The following PCDHA10 variants were observed in gnomAD, a reference collection of about 807,000 sequenced individuals.
The protein encoded by PCDHA10 is protocadherin alpha-10.
A neutral mutation model predicts 61.2 loss-of-function variants in PCDHA10; 45 were observed. The observed-to-expected ratio is 0.74, with a 90% confidence interval of 0.58 to 0.94. The LOEUF (loss-of-function observed/expected upper bound fraction) is 0.94, where lower values mean the gene tolerates loss of function less well. Among genes scored for constraint, PCDHA10 ranks in the 40% least tolerant of loss-of-function variants. The pLI, the probability that PCDHA10 is intolerant of heterozygous loss-of-function variation, is 0.00. For missense variants in PCDHA10, 1,278 were observed against 1,236.2 expected (o/e 1.03, Z -0.51); for synonymous variants, 602 against 548.8 (o/e 1.10, Z -1.35).
chr5:140,867,997 T>C (rs2050231431), intron 1 of PCDHA10: 1 of 152,144 alleles, frequency 6.6e-6, no homozygotes. Flanking sequence ...TTCATGAATA[T>C]AACTGAATTA....
At chr5:140,880,630 C>T (rs2058401400) in intron 1 of PCDHA10, among the ~76,000 whole-genome samples, 2 of 152,122 alleles carry the variant, frequency 1.3e-5, no homozygotes, top group Admixed American at 1.3e-4. Context: ...AGTTAATTAT[C>T]AATTCACTTG....
At chr5:140,897,648 T>C (rs556362001) in intron 1 of PCDHA10, among the ~76,000 whole-genome samples, 1 of 152,302 alleles carries the variant, frequency 6.6e-6, no homozygotes, top group African/African-American at 2.4e-5. Flanking sequence ...ACAATAAACA[T>C]ACGTGTGCAT....
intron 1 of PCDHA10, among the ~76,000 whole-genome samples, chr5:140,961,708 A>C (rs2095630610): frequency 6.6e-6 from 1 of 152,204 alleles, no homozygotes; most frequent in Non-Finnish European, 1.5e-5. Flanking sequence ...GAATGCCTTC[A>C]TTTCTAAGTG....
chr5:140,880,891 C>T (rs1475261918), intron 1 of PCDHA10, among the ~76,000 whole-genome samples: 2 of 151,984 alleles, frequency 1.3e-5, no homozygotes, highest in Non-Finnish European at 2.9e-5. Flanking sequence ...AATGTAGGGC[C>T]AGATAGAAAG....
intron 1 of PCDHA10, among the ~76,000 whole-genome samples, chr5:140,970,418 G>A (rs1377182658): frequency 6.6e-6 from 1 of 152,220 alleles, no homozygotes; most frequent in East Asian, 1.9e-4. Flanking sequence ...ACAGTAAGGT[G>A]TAGAGGCAGG....
At chr5:140,945,424 A>T (rs1227744054) in intron 1 of PCDHA10, among the ~76,000 whole-genome samples, 1 of 152,116 alleles carries the variant, frequency 6.6e-6, no homozygotes, top group Non-Finnish European at 1.5e-5. Context: ...ATTTCAATGA[A>T]GTTTTTACAG....
At chr5:140,967,060 G>T in intron 1 of PCDHA10, 1 of 1,612,802 alleles carries the variant, frequency 6.2e-7, no homozygotes, top group Non-Finnish European at 8.5e-7. Flanking sequence ...CGAGTGGAGC[G>T]CTCTTCGTCA....
intron 1 of PCDHA10, chr5:140,870,927 T>C (rs782446287): frequency 1.9e-6 from 3 of 1,613,880 alleles, no homozygotes; most frequent in Non-Finnish European, 2.5e-6. Context: ...GGCTTTCATA[T>C]GAATTGCAGC....
intron 1 of PCDHA10, among the ~76,000 whole-genome samples, chr5:140,915,919 AC>A (rs1449299766): frequency 6.6e-6 from 1 of 152,102 alleles, no homozygotes; most frequent in Non-Finnish European, 1.5e-5. Flanking sequence ...CAGAGATGCT[AC>A]TTGGGAGTCA....
At chr5:140,859,044 G>A (rs1228604447) in intron 1 of PCDHA10, 2 of 150,376 alleles carry the variant, frequency 1.3e-5, no homozygotes, top group Non-Finnish European at 3.0e-5. Flanking sequence ...CTTTAAAAAC[G>A]TTTTCCATTT....
chr5:140,862,161 C>G (rs1463036699), intron 1 of PCDHA10: 1 of 163,458 alleles, frequency 6.1e-6, no homozygotes, highest in African/African-American at 2.4e-5. Context: ...ATGAAAGATT[C>G]AAATACAGGC....
intron 1 of PCDHA10, among the ~76,000 whole-genome samples, chr5:140,947,404 T>G (rs1305199507): frequency 6.6e-6 from 1 of 151,736 alleles, no homozygotes; most frequent in Non-Finnish European, 1.5e-5. Flanking sequence ...GTAGACTGTC[T>G]TGATATTGTA....
chr5:140,857,812 C>T lies in PCDHA10; in HGVS notation c.1764C>T (p.His588=). The part of the protein sequence containing the change: ...ELVLRSVVAG[H]VVAKVRAVDA... ...TGCTGCGGTCGGTGGTTGCGGGTCACGTGGTGGCTAAGGTGCGCGCAGTGG... is the reference window on the plus strand; with the variant it reads ...TGCTGCGGTCGGTGGTTGCGGGTCATGTGGTGGCTAAGGTGCGCGCAGTGG... The change falls in exon 1 of 4, where the codon CAC becomes CAT. Residue 588 remains histidine, a synonymous_variant. Transcript: ENST00000307360. 3.1e-6 allele frequency: 5 copies of T among 1,597,698 alleles called. 1 individual carries two copies. The highest frequency in any genetic ancestry group is 2.2e-5 in the East Asian group (1 of 44,814).
chr5:140,958,265 C>A (rs1010851166), intron 1 of PCDHA10, among the ~76,000 whole-genome samples: 1 of 151,680 alleles, frequency 6.6e-6, no homozygotes, highest in Admixed American at 6.6e-5. Flanking sequence ...TAATTTGGTA[C>A]AAGAAGTATA....
chr5:140,937,595 C>A (rs940943581), intron 1 of PCDHA10, among the ~76,000 whole-genome samples: 1 of 150,652 alleles, frequency 6.6e-6, no homozygotes, highest in South Asian at 2.1e-4. Flanking sequence ...CTAGCCTGGG[C>A]AACAGAGTGA....
chr5:140,892,489 G>A (rs1554185225), intron 1 of PCDHA10, among the ~76,000 whole-genome samples: 1 of 152,180 alleles, frequency 6.6e-6, no homozygotes, highest in Non-Finnish European at 1.5e-5. Context: ...CCAAACATGA[G>A]AGATTGTTTA....
At chr5:140,928,374 C>A in intron 1 of PCDHA10, 1 of 1,614,172 alleles carries the variant, frequency 6.2e-7, no homozygotes, top group Non-Finnish European at 8.5e-7. Context: ...GGCCATCAGC[C>A]TCTAGCTTGC....
intron 3 of PCDHA10, among the ~76,000 whole-genome samples, chr5:140,988,254 T>G (rs910037234): frequency 6.6e-6 from 1 of 152,188 alleles, no homozygotes; most frequent in East Asian, 1.9e-4. Context: ...AGCTCCCGCC[T>G]GTGAGTATCC....
intron 1 of PCDHA10, chr5:140,877,939 A>G (rs2057403639): frequency 7.2e-7 from 1 of 1,379,672 alleles, no homozygotes. Context: ...TCTATCCTTT[A>G]AACTATCGAA....
Sources: allele counts gnomAD v4.1 joint callset (sites outside exome capture counted in the v4.1 genomes callset), GRCh38; gene constraint gnomAD v4.1.1; transcripts MANE v1.5; gene names NCBI Gene and HGNC (gene_info 2026-07-23, HGNC 2026-07-21).